Variants in MAP4K3 observed in about 807,000 individuals in gnomAD.
MAP4K3 encodes the protein MAPK/ERK kinase kinase kinase 3.
MAP4K3 carries 94 observed loss-of-function variants against 143.5 expected under a neutral mutation model. That is an observed-to-expected ratio of 0.65 (90% CI 0.55 to 0.78). The LOEUF is 0.78. Among genes scored for constraint, MAP4K3 ranks in the 30% least tolerant of loss-of-function variants. The pLI, the probability that MAP4K3 is intolerant of heterozygous loss-of-function variation, is 0.00. For synonymous variants in MAP4K3, 416 were observed against 347.2 expected (o/e 1.20, Z -2.20); for missense variants, 1,077 against 1,068.1 (o/e 1.01, Z -0.12).
intron 16 of MAP4K3, among the ~76,000 whole-genome samples, chr2:39,295,499 G>A (rs1682234221): frequency 6.6e-6 from 1 of 151,998 alleles, no homozygotes; most frequent in African/African-American, 2.4e-5. Context: ...GAGAAGTGCT[G>A]CTTTAAACTA....
At chr2:39,278,519 G>C (rs1200586153) in intron 23 of MAP4K3, 33 bp from the exon 24 acceptor site, 2 of 1,209,494 alleles carry the variant, frequency 1.7e-6, no homozygotes. Flanking sequence ...ACTGATTTTG[G>C]TAAATAAAAT....
At chr2:39,348,925 A>G (rs1665372491) in intron 3 of MAP4K3, among the ~76,000 whole-genome samples, 1 of 152,218 alleles carries the variant, frequency 6.6e-6, no homozygotes, top group African/African-American at 2.4e-5. Context: ...CAAACTAAGT[A>G]TAATTATTTA....
At chr2:39,370,153 G>A (rs1666041119) in intron 2 of MAP4K3, among the ~76,000 whole-genome samples, 1 of 152,168 alleles carries the variant, frequency 6.6e-6, no homozygotes, top group Non-Finnish European at 1.5e-5. Context: ...TCCTTTGTCA[G>A]TTGCTTTTTT....
In MAP4K3 at chr2:39,325,502, TA is replaced by T. The variant is rs1382169357; in HGVS notation, c.918+15del. 1.9e-6 allele frequency: 3 copies of T among 1,575,580 alleles called. No individual in the cohort carries two copies. The African/African-American group carries it at 4.1e-5, about 21-fold the overall frequency. ...TATACATGTTATATATGCCCGCTGG[TA>T]AAAGCAATTCCTACCTCAGGATCAT... On this transcript the variant is annotated intron_variant, in intron 12 of 33. Coordinates refer to ENST00000263881, the MANE Select transcript of MAP4K3 (RefSeq NM_003618.4).
At chr2:39,338,588 G>A (rs988313226) in intron 4 of MAP4K3, among the ~76,000 whole-genome samples, 3 of 152,082 alleles carry the variant, frequency 2.0e-5, no homozygotes, top group Non-Finnish European at 4.4e-5. Context: ...TTTCACTTAC[G>A]ATGAACACCT....
At chr2:39,342,475 A>G (rs1665171832) in intron 4 of MAP4K3, among the ~76,000 whole-genome samples, 1 of 152,162 alleles carries the variant, frequency 6.6e-6, no homozygotes, top group African/African-American at 2.4e-5. Flanking sequence ...TTTAAAGACC[A>G]ATGTAAGTAG....
At chr2:39,358,319 C>T (rs891462074) in intron 2 of MAP4K3, among the ~76,000 whole-genome samples, 12 of 152,240 alleles carry the variant, frequency 7.9e-5, no homozygotes, top group Non-Finnish European at 1.8e-4. Flanking sequence ...CATCTTTGTA[C>T]CCCTAGTACC....
At chr2:39,289,815 T>C (rs2148476636) in intron 19 of MAP4K3, among the ~76,000 whole-genome samples, 1 of 152,296 alleles carries the variant, frequency 6.6e-6, no homozygotes, top group East Asian at 1.9e-4. Flanking sequence ...CCAGGCACAG[T>C]GACTCATGCC....
In MAP4K3 at chr2:39,351,578, C is replaced by T. The variant is rs528960424; in HGVS notation, c.245+4671G>A. ...TACATGCTAAGAAATAATGTATAAA[C>T]ACTTTGTAAATGGTGGTGATTTACT... On this transcript the variant is annotated intron_variant, in intron 3 of 33. Coordinates refer to ENST00000263881, the MANE Select transcript of MAP4K3 (RefSeq NM_003618.4). 3.3e-5 allele frequency among the ~76,000 whole-genome samples: 5 copies of T among 152,300 alleles called. No individual in the cohort carries two copies. In the East Asian group the frequency reaches 5.8e-4, roughly 18 times the overall value.
chr2:39,390,523 G>A (rs1176925412), intron 1 of MAP4K3, among the ~76,000 whole-genome samples: 1 of 152,114 alleles, frequency 6.6e-6, no homozygotes, highest in Non-Finnish European at 1.5e-5. Flanking sequence ...TCACACTTGA[G>A]AAACACCATA....
intron 13 of MAP4K3, among the ~76,000 whole-genome samples, chr2:39,312,175 G>A (rs1682963080): frequency 6.6e-6 from 1 of 152,128 alleles, no homozygotes; most frequent in Non-Finnish European, 1.5e-5. Context: ...ACTAGCCAGA[G>A]TAGACACAGA....
chr2:39,401,688 C>G (rs1198050542), intron 1 of MAP4K3, among the ~76,000 whole-genome samples: 1 of 152,070 alleles, frequency 6.6e-6, no homozygotes, highest in East Asian at 1.9e-4. Context: ...GTAGTCTCAG[C>G]TGCTTGGGGA....
At chr2:39,331,001 T>G (rs2148520663) in intron 8 of MAP4K3, among the ~76,000 whole-genome samples, 1 of 152,234 alleles carries the variant, frequency 6.6e-6, no homozygotes, top group Non-Finnish European at 1.5e-5. Flanking sequence ...TACAACTAAG[T>G]TTTTCTCATA....
intron 1 of MAP4K3, among the ~76,000 whole-genome samples, chr2:39,418,608 A>G (rs1667457494): frequency 6.6e-6 from 1 of 152,176 alleles, no homozygotes; most frequent in Non-Finnish European, 1.5e-5. Flanking sequence ...CAAAGTTAAC[A>G]TTGCCGGTGA....
At chr2:39,373,339 G>A (rs1318734689) in intron 2 of MAP4K3, among the ~76,000 whole-genome samples, 3 of 152,136 alleles carry the variant, frequency 2.0e-5, no homozygotes, top group Non-Finnish European at 4.4e-5. Context: ...CTGTCAGTAG[G>A]AATGTAAATT....
At chr2:39,395,068 A>G (rs186621336) in intron 1 of MAP4K3, among the ~76,000 whole-genome samples, 42 of 152,316 alleles carry the variant, frequency 2.8e-4, no homozygotes, top group African/African-American at 9.6e-4. Context: ...TCAGATATAC[A>G]CTGATGAAAT....
At chr2:39,253,707 A>C (rs1680237111) in intron 32 of MAP4K3, among the ~76,000 whole-genome samples, 1 of 152,208 alleles carries the variant, frequency 6.6e-6, no homozygotes, top group Non-Finnish European at 1.5e-5. Flanking sequence ...ACAGTTTAAG[A>C]AACAAATAAG....
intron 15 of MAP4K3, among the ~76,000 whole-genome samples, chr2:39,303,711 G>A (rs906689571): frequency 6.6e-6 from 1 of 152,102 alleles, no homozygotes; most frequent in African/African-American, 2.4e-5. Context: ...GCTAATTTCT[G>A]TATTTTCAAT....
intron 1 of MAP4K3, among the ~76,000 whole-genome samples, chr2:39,403,420 C>T (rs191254873): frequency 4.6e-5 from 7 of 152,324 alleles, no homozygotes. Flanking sequence ...CAACGTCCCC[C>T]ATCCACCCAC....
Sources: gnomAD v4.1 joint callset for allele counts (sites outside exome capture counted in the v4.1 genomes callset) on GRCh38, gnomAD v4.1.1 for gene constraint, MANE v1.5 for transcripts, NCBI Gene and HGNC (gene_info 2026-07-23, HGNC 2026-07-21) for gene names.